CEP350: variants seen among roughly 807,000 people sequenced by gnomAD.
CEP350 encodes the protein centrosome-associated protein 350.
In CEP350, 126 loss-of-function variants were observed where a neutral mutation model predicts 331.8. The ratio of observed to expected loss-of-function variants is 0.38; its 90% CI spans 0.33 to 0.44. The LOEUF (loss-of-function observed/expected upper bound fraction) is 0.44. Ranked by LOEUF, CEP350 falls within the 20% of genes least tolerant of loss-of-function variation. The probability of loss-of-function intolerance (pLI) is 1.00; values close to 1 mark genes in which losing one functional copy is unlikely to be tolerated. For missense variants in CEP350, 3,406 were observed against 3,634.6 expected (o/e 0.94, Z 1.62); for synonymous variants, 1,200 against 1,259.5 (o/e 0.95, Z 1.00).
chr1:180,098,716 A>G (rs1035303269), intron 36 of CEP350, 147 bp from the exon 37 acceptor site: 3 of 630,440 alleles, frequency 4.8e-6, no homozygotes, highest in African/African-American at 1.8e-5. Context: ...TCAAATTGCT[A>G]TGTGGAACTG....
rs1655238048 is a variant in CEP350, at chr1:180,020,310, T to C, written c.2536T>C (p.Leu846=). Residue 846 remains leucine, a synonymous_variant, in exon 12 of 38, where the codon TTA becomes CTA. Transcript: ENST00000367607. Reference sequence around the variant, plus strand: ...CAGAATTGAAAGTGAAGCCAAGAAATTAGCTGGGGCCAGCATTAACTATGG... The same window carrying C: ...CAGAATTGAAAGTGAAGCCAAGAAACTAGCTGGGGCCAGCATTAACTATGG... The part of the protein sequence containing the change: ...SSRIESEAKK[L]AGASINYGSA... The C allele has an allele frequency of 6.2e-7, 1 of 1,613,824 alleles. No homozygotes were observed. The highest frequency in any genetic ancestry group is 1.3e-5 in the African/African-American group (1 of 74,920).
In CEP350 at chr1:180,111,057, G is replaced by A; in HGVS notation, c.9250G>A (p.Val3084Met). ...WVNYDEDELC[V>M]KMQLADGIFE... ...GAACTATGATGAGGATGAGTTGTGT[G>A]TGAAAATGCAGCTAGCCGACGGGAT... is the stretch of plus-strand genomic sequence containing the variant. Residue 3084 changes from valine to methionine, a missense_variant, in exon 38 of 38, where the codon GTG becomes ATG. Physicochemically the swap from Val to Met is conservative, Grantham distance 21. Transcript: ENST00000367607. The A allele has an allele frequency of 6.2e-7, 1 of 1,613,994 alleles. No individual in the cohort carries two copies. Among genetic ancestry groups the A allele is most frequent in the Non-Finnish European group, 8.5e-7 (1 of 1,179,884 alleles).
chr1:179,995,891 C>T lies in CEP350; in HGVS notation c.396-662C>T, dbSNP rs141464256. Among the ~76,000 whole-genome samples the T allele has an allele frequency of 3.4e-3, 517 of 152,224 alleles. 3 individuals carry two copies. Among genetic ancestry groups the T allele is most frequent in the African/African-American group, 0.012 (487 of 41,536 alleles). On this transcript the variant is annotated intron_variant, in intron 5 of 37. Coordinates refer to ENST00000367607, the MANE Select transcript of CEP350 (RefSeq NM_014810.5). ...TTGTACTTCCACTTTATTTCTACCC[C>T]CAGTCTATTTATTAATTTGGTTCCT...
chr1:180,029,491 CTGTTT>C (rs1356790286), intron 14 of CEP350, among the ~76,000 whole-genome samples: 1 of 152,128 alleles, frequency 6.6e-6, no homozygotes, highest in Non-Finnish European at 1.5e-5. Context: ...TAATAATATT[CTGTTT>C]TAAGTGTACA....
chr1:180,003,561 A>G (rs1654011253), intron 7 of CEP350, among the ~76,000 whole-genome samples: 1 of 152,194 alleles, frequency 6.6e-6, no homozygotes, highest in South Asian at 2.1e-4. Flanking sequence ...TGAAGGAAAC[A>G]TAGCAGAATT....
chr1:179,958,106 A>C (rs1247482280), intron 1 of CEP350, among the ~76,000 whole-genome samples: 1 of 152,182 alleles, frequency 6.6e-6, no homozygotes, highest in Non-Finnish European at 1.5e-5. Flanking sequence ...ATCAGAACAT[A>C]ATTGTGATCA....
Position 180,112,148 on chromosome 1 carries a change from C to A in CEP350, c.*987C>A, listed in dbSNP as rs1320166426. 1 of 152,598 alleles carries A rather than the reference C, an allele frequency of 6.6e-6. No homozygotes were observed. Among genetic ancestry groups the A allele is most frequent in the African/African-American group, 2.4e-5 (1 of 41,426 alleles). 9.5% of individuals were successfully genotyped at this position (152,598 alleles called of 1,614,324 possible). ...CTATTGTTTGTGTGCTTGTTTTGCGCTATGGAACATTTTTTAATTTATTTT... is the reference window on the plus strand; with the variant it reads ...CTATTGTTTGTGTGCTTGTTTTGCGATATGGAACATTTTTTAATTTATTTT... On this transcript the variant is annotated 3_prime_UTR_variant, in exon 38 of 38. Transcript: ENST00000367607.
At chr1:180,012,429 C>T (rs1325044551) in intron 9 of CEP350, among the ~76,000 whole-genome samples, 1 of 152,112 alleles carries the variant, frequency 6.6e-6, no homozygotes, top group East Asian at 1.9e-4. Flanking sequence ...CAAACATTCA[C>T]AAGGTTGGAT....
At chr1:179,995,572 C>T (rs535682669) in intron 5 of CEP350, among the ~76,000 whole-genome samples, 4 of 152,278 alleles carry the variant, frequency 2.6e-5, no homozygotes, top group African/African-American at 7.2e-5. Flanking sequence ...CCACTGCACT[C>T]CAGCCTGGGT....
intron 9 of CEP350, 39 bp from the exon 10 acceptor site, chr1:180,013,808 T>C: frequency 6.6e-7 from 1 of 1,518,990 alleles, no homozygotes; most frequent in Non-Finnish European, 8.9e-7. Context: ...GGAATGAGTA[T>C]AGAATTTCGG....
chr1:179,976,486 T>C lies in CEP350; in HGVS notation c.-13-9683T>C, dbSNP rs80092332. ...TCTTAACACTTTTTTTGTAGTATAT[T>C]TGAGATTCATTTCCAGTATGCTACA... On this transcript the variant is annotated intron_variant, in intron 1 of 37. Transcript: ENST00000367607. 4.1e-3 allele frequency among the ~76,000 whole-genome samples: 622 copies of C among 152,152 alleles called. 3 individuals carry two copies. Among genetic ancestry groups the C allele is most frequent in the African/African-American group, 0.014 (590 of 41,508 alleles).
intron 1 of CEP350, among the ~76,000 whole-genome samples, chr1:179,984,791 A>T (rs968378805): frequency 6.6e-6 from 1 of 152,162 alleles, no homozygotes; most frequent in African/African-American, 2.4e-5. Context: ...CTTATTAATG[A>T]TTATATTAGG....
chr1:180,002,373 C>A (rs1018673189), intron 6 of CEP350, among the ~76,000 whole-genome samples: 2 of 152,064 alleles, frequency 1.3e-5, no homozygotes, highest in Admixed American at 1.3e-4. Context: ...GCTTGGGAGG[C>A]TGAGGCAGGA....
At chr1:180,053,600 C>T in intron 23 of CEP350, 150 bp from the exon 24 acceptor site, 1 of 477,054 alleles carries the variant, frequency 2.1e-6, no homozygotes, top group Non-Finnish European at 3.8e-6. Context: ...TGTTAATCTG[C>T]CTCATGTGCC....
In CEP350 at chr1:180,110,981, G is replaced by T. The variant is rs765351116; in HGVS notation, c.9190-16G>T. 6 of 1,610,030 alleles carry T rather than the reference G, an allele frequency of 3.7e-6. No individual in the cohort carries two copies. Among genetic ancestry groups the T allele is most frequent in the Non-Finnish European group, 3.4e-6 (4 of 1,176,810 alleles). On this transcript the variant is annotated splice_polypyrimidine_tract_variant and intron_variant, in intron 37 of 37. Transcript: ENST00000367607. The stretch of plus-strand genomic sequence containing the variant: ...ATGACAGGAATTTTCTAACCTTATT[G>T]TCTTCTAAATCCTAGGTTCAGGAGC...
chr1:180,070,022 A>G (rs1176548318), intron 27 of CEP350, among the ~76,000 whole-genome samples: 4 of 152,214 alleles, frequency 2.6e-5, no homozygotes, highest in African/African-American at 9.6e-5. Flanking sequence ...AGTGATTCTT[A>G]ACTTTTTGGG....
intron 27 of CEP350, among the ~76,000 whole-genome samples, chr1:180,069,330 T>C (rs926582790): frequency 2.6e-5 from 4 of 152,210 alleles, no homozygotes; most frequent in Non-Finnish European, 5.9e-5. Flanking sequence ...AAAGTACTTA[T>C]TATAGTGTCT....
chr1:179,961,683 A>G (rs985172669), intron 1 of CEP350, among the ~76,000 whole-genome samples: 1 of 152,120 alleles, frequency 6.6e-6, no homozygotes, highest in Admixed American at 6.5e-5. Flanking sequence ...AAGTTAGACT[A>G]CGCTTTAGCT....
intron 27 of CEP350, 83 bp downstream of exon 27, chr1:180,065,355 AT>A: frequency 7.6e-7 from 1 of 1,318,404 alleles, no homozygotes. Flanking sequence ...ACTTCACTAG[AT>A]TAGATTGAGA....
Sources: allele counts gnomAD v4.1 joint callset (sites outside exome capture counted in the v4.1 genomes callset), GRCh38; gene constraint gnomAD v4.1.1; transcripts MANE v1.5; gene names NCBI Gene and HGNC (gene_info 2026-07-23, HGNC 2026-07-21).